The following BRINP1 variants were observed in gnomAD, a reference collection of about 807,000 sequenced individuals.
BRINP1 encodes the protein BMP/retinoic acid inducible neural specific 1.
In BRINP1, 17 loss-of-function variants were observed where a neutral mutation model predicts 72.9. The observed-to-expected ratio is 0.23, with a 90% confidence interval of 0.16 to 0.35. The LOEUF is 0.35. Ranked by LOEUF, BRINP1 falls within the 10% of genes least tolerant of loss-of-function variation. BRINP1 has a pLI of 1.00. For missense variants in BRINP1, 850 were observed against 1,001.6 expected, an observed-to-expected ratio of 0.85 and a Z score of 2.04; for synonymous variants, 418 against 378.5, an observed-to-expected ratio of 1.10 and a Z score of -1.21.
chr9:119,235,326 T>C (rs894606206), intron 5 of BRINP1, among the ~76,000 whole-genome samples: 1 of 152,222 alleles, frequency 6.6e-6, no homozygotes, highest in Non-Finnish European at 1.5e-5. Context: ...TTTCTCACCA[T>C]TGATGTCTGT....
Position 119,175,447 on chromosome 9 carries a change from C to T in BRINP1, c.1146-7223G>A, listed in dbSNP as rs549856544. Reference sequence around the variant, plus strand: ...ATGATGGGCTGATGGGTGCAGCAAACCACCATAGCACATGTATACCTATGT... The same window carrying T: ...ATGATGGGCTGATGGGTGCAGCAAATCACCATAGCACATGTATACCTATGT... On this transcript the variant is annotated intron_variant, in intron 7 of 7. Coordinates refer to ENST00000265922, the MANE Select transcript of BRINP1 (RefSeq NM_014618.3). Among the ~76,000 whole-genome samples the T allele has an allele frequency of 5.7e-4, 86 of 152,126 alleles. No individual in the cohort carries two copies. The South Asian group carries it at 7.3e-3, about 13-fold the overall frequency.
chr9:119,192,571 G>T (rs1375602669), intron 7 of BRINP1, among the ~76,000 whole-genome samples: 1 of 152,020 alleles, frequency 6.6e-6, no homozygotes. Context: ...CATAAGGATG[G>T]CTATTATAAA....
intron 2 of BRINP1, among the ~76,000 whole-genome samples, chr9:119,262,798 T>A (rs1830511227): frequency 6.6e-6 from 1 of 152,132 alleles, no homozygotes; most frequent in Non-Finnish European, 1.5e-5. Flanking sequence ...ACTTTACTCA[T>A]CTGTAAAATG....
intron 1 of BRINP1, among the ~76,000 whole-genome samples, chr9:119,352,929 G>T (rs1195332715): frequency 6.6e-6 from 1 of 152,154 alleles, no homozygotes; most frequent in East Asian, 1.9e-4. Context: ...CTTTGAGAAA[G>T]TAGGAGCCTA....
chr9:119,340,361 G>A (rs966764888), intron 1 of BRINP1, among the ~76,000 whole-genome samples: 1 of 151,984 alleles, frequency 6.6e-6, no homozygotes, highest in Non-Finnish European at 1.5e-5. Context: ...GCCCCCAAGG[G>A]GCTAAAATCC....
At chr9:119,192,859 C>T (rs1215459706) in intron 7 of BRINP1, among the ~76,000 whole-genome samples, 3 of 152,034 alleles carry the variant, frequency 2.0e-5, no homozygotes, top group Non-Finnish European at 4.4e-5. Flanking sequence ...TACCTATCAA[C>T]AAATAAATGT....
chr9:119,171,427 G>A (rs1183755867), intron 7 of BRINP1, among the ~76,000 whole-genome samples: 1 of 146,880 alleles, frequency 6.8e-6, no homozygotes, highest in Non-Finnish European at 1.5e-5. Flanking sequence ...AACAAGAAGA[G>A]CTAACTATCC....
intron 2 of BRINP1, among the ~76,000 whole-genome samples, chr9:119,267,021 C>G (rs1334934026): frequency 6.6e-6 from 1 of 152,218 alleles, no homozygotes; most frequent in Non-Finnish European, 1.5e-5. Context: ...TAGGCGGTCA[C>G]TGCAGTGATC....
At chr9:119,170,516 G>A (rs1432765916) in intron 7 of BRINP1, among the ~76,000 whole-genome samples, 1 of 152,134 alleles carries the variant, frequency 6.6e-6, no homozygotes, top group Non-Finnish European at 1.5e-5. Context: ...TGGTGTACCT[G>A]AAAGTGATGG....
chr9:119,266,517 A>G (rs983834267), intron 2 of BRINP1, among the ~76,000 whole-genome samples: 2 of 152,232 alleles, frequency 1.3e-5, no homozygotes, highest in Non-Finnish European at 2.9e-5. Flanking sequence ...TGATGAAAAC[A>G]TTTTTAATTT....
At position 119,168,197 on chromosome 9, in the gene BRINP1, G is replaced by A. The variant is rs1031747841; in HGVS notation, c.1173C>T (p.Val391=). Reference sequence around the variant, plus strand: ...TCTCATTACAGTAGAGGAGTGACTGGACCCTTGCAAGCCACTGCTGAATTG... The same window carrying A: ...TCTCATTACAGTAGAGGAGTGACTGAACCCTTGCAAGCCACTGCTGAATTG... ...ERTIQQWLAR[V]QSLLYCNENG... Residue 391 remains valine, a synonymous_variant, in exon 8 of 8, where the codon GTC becomes GTT. Transcript: ENST00000265922. 14 of 1,528,356 alleles carry A rather than the reference G, an allele frequency of 9.2e-6. No homozygotes were observed. The Middle Eastern group carries it at 5.3e-4, about 58-fold the overall frequency. 94.7% of individuals were successfully genotyped at this position (1,528,356 alleles called of 1,614,324 possible).
At chr9:119,307,391 C>T (rs947635479) in intron 2 of BRINP1, among the ~76,000 whole-genome samples, 4 of 152,138 alleles carry the variant, frequency 2.6e-5, no homozygotes, top group East Asian at 1.9e-4. Flanking sequence ...AAAATTGTAC[C>T]GAACTCAACT....
intron 1 of BRINP1, among the ~76,000 whole-genome samples, chr9:119,331,548 A>G (rs1434347151): frequency 5.3e-5 from 8 of 152,164 alleles, no homozygotes; most frequent in Non-Finnish European, 8.8e-5. Context: ...GGCTCCTTCT[A>G]TGGTACTGGT....
At chr9:119,264,470 T>C (rs898728642) in intron 2 of BRINP1, among the ~76,000 whole-genome samples, 1 of 152,222 alleles carries the variant, frequency 6.6e-6, no homozygotes, top group African/African-American at 2.4e-5. Context: ...CCCCACTGTC[T>C]ATGAGACAAA....
chr9:119,338,716 CAA>C (rs560291604), intron 1 of BRINP1, among the ~76,000 whole-genome samples: 16 of 108,498 alleles, frequency 1.5e-4, no homozygotes, highest in Admixed American at 1.9e-4. Flanking sequence ...ACTAAAAATA[CAA>C]AAAAAAAAAA....
chr9:119,296,793 T>A (rs561049503), intron 2 of BRINP1, among the ~76,000 whole-genome samples: 3 of 152,180 alleles, frequency 2.0e-5, no homozygotes, highest in Non-Finnish European at 4.4e-5. Flanking sequence ...TTCACTTGTA[T>A]GTGGAATCTA....
intron 6 of BRINP1, among the ~76,000 whole-genome samples, chr9:119,210,768 C>G (rs1178547631): frequency 6.6e-6 from 1 of 152,180 alleles, no homozygotes; most frequent in African/African-American, 2.4e-5. Flanking sequence ...GAGTGCTGAA[C>G]AGCTGTGGGA....
intron 2 of BRINP1, among the ~76,000 whole-genome samples, chr9:119,284,158 T>C (rs1830738392): frequency 6.6e-6 from 1 of 152,226 alleles, no homozygotes; most frequent in Admixed American, 6.5e-5. Context: ...CCTTTCTGCA[T>C]CGCTTTCTTT....
At chr9:119,321,504 G>T (rs1041234460) in intron 1 of BRINP1, among the ~76,000 whole-genome samples, 1 of 151,958 alleles carries the variant, frequency 6.6e-6, no homozygotes, top group Non-Finnish European at 1.5e-5. Flanking sequence ...TTATTTTTTA[G>T]TTTTTTGAGA....
Sources: allele counts gnomAD v4.1 joint callset (sites outside exome capture counted in the v4.1 genomes callset), GRCh38; gene constraint gnomAD v4.1.1; transcripts MANE v1.5; gene names NCBI Gene and HGNC (gene_info 2026-07-23, HGNC 2026-07-21).